ADAP1: variants seen among roughly 807,000 people sequenced by gnomAD.
ADAP1 encodes the protein ArfGAP with dual PH domains 1, also known as arf-GAP with dual PH domain-containing protein 1.
A neutral mutation model predicts 54.9 loss-of-function variants in ADAP1; 31 were observed. The ratio of observed to expected loss-of-function variants is 0.56; its 90% CI spans 0.42 to 0.76. The LOEUF is 0.76. Among genes scored for constraint, ADAP1 ranks in the 30% least tolerant of loss-of-function variants. The pLI is 0.00. For missense variants in ADAP1, 535 were observed against 512.4 expected, an observed-to-expected ratio of 1.04 and a Z score of -0.42; for synonymous variants, 313 against 202.6, an observed-to-expected ratio of 1.55 and a Z score of -4.63.
In ADAP1 at chr7:906,729, ATG is replaced by A. The variant is rs1351621249; in HGVS notation, c.389-1559_389-1558del. On this transcript the variant is annotated intron_variant, in intron 4 of 10. Transcript: ENST00000265846. ...GGGGACGGGACATCGGGGACGGGAC[ATG>A]GGGGACAGAGTACATAGGGGACATG... 1.5e-3 allele frequency among the ~76,000 whole-genome samples: 25 copies of A among 16,178 alleles called. 1 individual carries two copies. Among genetic ancestry groups the A allele is most frequent in the African/African-American group, 4.4e-3 (12 of 2,708 alleles). The allele number at this position is 16,178 out of a possible 152,430, so 10.6% of individuals were successfully genotyped here. A position where few individuals can be genotyped will look rare whatever the true frequency, so the allele number is the denominator to read the frequency against.
At chr7:906,955 C>T (rs1845490383) in intron 4 of ADAP1, among the ~76,000 whole-genome samples, 1 of 152,108 alleles carries the variant, frequency 6.6e-6, no homozygotes, top group Admixed American at 6.5e-5. Flanking sequence ...CCCCCAGGGA[C>T]CCTCCCCATC....
chr7:914,497 G>A (rs866690387), intron 4 of ADAP1, among the ~76,000 whole-genome samples: 3 of 152,144 alleles, frequency 2.0e-5, no homozygotes, highest in African/African-American at 4.8e-5. Flanking sequence ...CTGCCCACGG[G>A]GCCGCCCCAG....
intron 4 of ADAP1, chr7:905,494 G>GGAGAAAGGGAAA (rs1845147969): frequency 1.7e-4 from 1 of 5,924 alleles, no homozygotes. Context: ...GAAAGGAGAA[G>GGAGAAAGGGAAA]GGAGAAGGGA....
rs900180523 is a variant in ADAP1 at position 946,129 on chromosome 7, C to G, written c.82+8267G>C. ...GCTACGTGAGGCGGGGCATGCATGGCTGTCCCCCAGGCACACAGCGCCCCA... is the reference window on the plus strand; with the variant it reads ...GCTACGTGAGGCGGGGCATGCATGGGTGTCCCCCAGGCACACAGCGCCCCA... On this transcript the variant is annotated intron_variant, in intron 1 of 10. Transcript: ENST00000265846. The surrounding 1 kb of genome is among the most constrained non-coding windows in gnomAD (Gnocchi z 4.3). Among the ~76,000 whole-genome samples, 1 of 152,212 alleles carries G rather than the reference C, an allele frequency of 6.6e-6. No homozygotes were observed. Among genetic ancestry groups the G allele is most frequent in the African/African-American group, 2.4e-5 (1 of 41,454 alleles).
chr7:899,612 C>T (rs773964269), intron 8 of ADAP1, 122 bp from the exon 9 acceptor site: 44 of 1,154,550 alleles, frequency 3.8e-5, no homozygotes, highest in South Asian at 1.5e-5. Flanking sequence ...TCCATTCACT[C>T]ACGCCTGCCG....
At chr7:915,081 G>A (rs570955715) in intron 4 of ADAP1, among the ~76,000 whole-genome samples, 19 of 49,992 alleles carry the variant, frequency 3.8e-4, no homozygotes, top group Admixed American at 3.5e-3. Flanking sequence ...GGAAGGTGCC[G>A]TGGCCCAAGG....
In ADAP1 at chr7:919,986, G is replaced by A; in HGVS notation, c.370C>T (p.Gln124Ter). The change falls in exon 4 of 11, where the codon CAG (glutamine) becomes TAG (stop). Residue 124 changes from glutamine (Q) to a stop codon, truncating the protein, a stop_gained. Transcript: ENST00000265846. LOFTEE classifies it high-confidence loss of function. ...GCCTCACCTGCCGAGTAGGGCTCCT[G>A]CTTCTCCGGGTAGATGAACTCCTGT... Reference protein sequence around the residue: ...ERQEFIYPEKQEPYSAGYREG... With the variant: ...ERQEFIYPEK 6.2e-7 allele frequency: 1 copy of A among 1,606,438 alleles called. No homozygotes were observed.
chr7:906,649 GA>G (rs1845402439), intron 4 of ADAP1, among the ~76,000 whole-genome samples: 1 of 122,762 alleles, frequency 8.1e-6, no homozygotes. Flanking sequence ...AAAGGGAAAG[GA>G]GAAAGGGGGC....
intron 6 of ADAP1, among the ~76,000 whole-genome samples, chr7:903,467 T>C (rs1306384404): frequency 6.6e-6 from 1 of 152,128 alleles, no homozygotes; most frequent in African/African-American, 2.4e-5. Flanking sequence ...TTTCTCAAGA[T>C]TTAGGAACGA....
intron 6 of ADAP1, among the ~76,000 whole-genome samples, chr7:903,520 T>C (rs544645076): frequency 1.1e-4 from 16 of 152,202 alleles, no homozygotes; most frequent in African/African-American, 3.6e-4. Flanking sequence ...GTGATAAACA[T>C]AGAAACAAGA....
intron 2 of ADAP1, chr7:927,112 C>T (rs1213350732): frequency 1.0e-5 from 13 of 1,303,774 alleles, no homozygotes; most frequent in Admixed American, 6.9e-5. Flanking sequence ...GGCTGGTGAG[C>T]GAGAGACCCA....
intron 8 of ADAP1, among the ~76,000 whole-genome samples, chr7:899,875 G>T (rs1372538215): frequency 6.6e-6 from 1 of 152,224 alleles, no homozygotes; most frequent in Non-Finnish European, 1.5e-5. Flanking sequence ...CGGTCCCGTG[G>T]GTGAGGAAGC....
chr7:899,012 C>T (rs550357123), intron 10 of ADAP1, 21 bp downstream of exon 10: 2 of 1,609,458 alleles, frequency 1.2e-6, no homozygotes, highest in Admixed American at 3.3e-5. Context: ...TTCCAGGCCG[C>T]CGGCCGCCCG....
At position 935,212 on chromosome 7, in the gene ADAP1, C is replaced by A. The variant is rs371979545; in HGVS notation, c.213+163G>T. 5.1e-6 allele frequency: 5 copies of A among 989,640 alleles called. No homozygotes were observed. The Admixed American group carries it at 8.1e-5, about 16-fold the overall frequency. 61.3% of individuals were successfully genotyped at this position (989,640 alleles called of 1,614,324 possible). ...GGTGGAGCAGCCACACAGGCGGAGC[C>A]GCTGGAGAGGGGGCGGGGTCCTCGG... On this transcript the variant is annotated intron_variant, in intron 2 of 10. Coordinates refer to ENST00000265846, the MANE Select transcript of ADAP1 (RefSeq NM_006869.4).
chr7:928,267 C>G (rs1232488861), intron 2 of ADAP1, among the ~76,000 whole-genome samples: 1 of 150,858 alleles, frequency 6.6e-6, no homozygotes, highest in Non-Finnish European at 1.5e-5. Context: ...TTTGGGAGGC[C>G]GAGGCGGGAG....
intron 1 of ADAP1, among the ~76,000 whole-genome samples, chr7:951,521 G>C (rs756243449): frequency 1.3e-5 from 2 of 152,028 alleles, no homozygotes; most frequent in African/African-American, 2.4e-5. Flanking sequence ...AGGTTGCAGT[G>C]AGCAAAGATC....
intron 4 of ADAP1, among the ~76,000 whole-genome samples, chr7:915,462 T>A (rs1038347972): frequency 2.6e-5 from 4 of 152,154 alleles, no homozygotes; most frequent in Admixed American, 6.5e-5. Flanking sequence ...GGCCATTCAC[T>A]CAGCGTGGGC....
chr7:904,226 G>T lies in ADAP1; in HGVS notation c.548C>A (p.Thr183Asn), dbSNP rs748976827. The T allele has an allele frequency of 6.2e-7, 1 of 1,610,544 alleles. No individual in the cohort carries two copies. Among genetic ancestry groups the T allele is most frequent in the Non-Finnish European group, 8.5e-7 (1 of 1,178,740 alleles). ...AVMKIEHLNA[T>N]FQPAKIGHPH... ...GTGGCCGATCTTGGCCGGCTGGAAG[G>T]TGGCGTTCAGGTGCTCGATCTTCAT... Residue 183 changes from threonine to asparagine, a missense_variant, in exon 6 of 11, where the codon ACC (threonine) becomes AAC (asparagine). Coordinates refer to ENST00000265846, the MANE Select transcript of ADAP1 (RefSeq NM_006869.4).
intron 4 of ADAP1, chr7:905,602 AGAAAGGAGAAAGGAGAAAGG>A (rs1845180420): frequency 5.0e-5 from 1 of 20,026 alleles, no homozygotes; most frequent in Non-Finnish European, 7.4e-5. Context: ...AGGAGAAAGG[AGAAAGGAGAAAGGAGAAAGG>A]GAAAGGAGAA....
Sources: gnomAD v4.1 joint callset for allele counts (sites outside exome capture counted in the v4.1 genomes callset) on GRCh38, gnomAD v4.1.1 for gene constraint, Gnocchi (gnomAD v3.1) non-coding constraint, MANE v1.5 for transcripts, NCBI Gene and HGNC (gene_info 2026-07-23, HGNC 2026-07-21) for gene names.